KAZN: variants seen among roughly 807,000 people sequenced by gnomAD.
KAZN encodes the protein kazrin, periplakin interacting protein.
KAZN carries 40 observed loss-of-function variants against 87.4 expected under a neutral mutation model. That is an observed-to-expected ratio of 0.46 (90% CI 0.36 to 0.60). KAZN has a LOEUF of 0.60. Among genes scored for constraint, KAZN ranks in the 20% least tolerant of loss-of-function variants. KAZN has a pLI of 0.00. For missense variants in KAZN, 898 were observed against 1,073.9 expected, an observed-to-expected ratio of 0.84 and a Z score of 2.29; for synonymous variants, 466 against 458.3, an observed-to-expected ratio of 1.02 and a Z score of -0.22.
intron 1 of KAZN, among the ~76,000 whole-genome samples, chr1:14,909,034 G>A (rs1028433906): frequency 1.4e-4 from 21 of 151,544 alleles, no homozygotes; most frequent in East Asian, 3.9e-4. Context: ...TCCAGATACC[G>A]TCATCATCTC....
At chr1:14,453,819 G>A (rs774992854) in intron 2 of KAZN, among the ~76,000 whole-genome samples, 1 of 151,962 alleles carries the variant, frequency 6.6e-6, no homozygotes, top group Non-Finnish European at 1.5e-5. Flanking sequence ...CTGGGCAACA[G>A]AGCAAGACTC....
At chr1:14,380,689 A>T (rs843949) in intron 2 of KAZN, among the ~76,000 whole-genome samples, 1 of 152,006 alleles carries the variant, frequency 6.6e-6, no homozygotes, top group Admixed American at 6.5e-5. Context: ...AAAAAGAAAA[A>T]GAATAAAAAA....
rs70997121 is a variant in KAZN, at chr1:14,205,884, C to CAAAAA, written c.249+25310_249+25314dup. Reference sequence around the variant, plus strand: ...CAGGCGACAGAGCAAGACACTGTCTCAAAAAAAAAAAAAAAAAAAAAAGCT... The same window carrying CAAAAA: ...CAGGCGACAGAGCAAGACACTGTCTCAAAAAAAAAAAAAAAAAAAAAAAAAAAGCT... On this transcript the variant is annotated intron_variant, in intron 2 of 16. Coordinates refer to the KAZN transcript ENST00000636203. 5.1e-3 allele frequency among the ~76,000 whole-genome samples: 180 copies of CAAAAA among 35,212 alleles called. 55 individuals carry two copies. The highest frequency in any genetic ancestry group is 0.02 in the African/African-American group (148 of 7,222). 23.1% of individuals were successfully genotyped at this position (35,212 alleles called of 152,430 possible). A position where few individuals can be genotyped will look rare whatever the true frequency, so the allele number is the denominator to read the frequency against.
intron 1 of KAZN, among the ~76,000 whole-genome samples, chr1:14,065,653 T>C (rs2101535675): frequency 6.6e-6 from 1 of 151,774 alleles, no homozygotes; most frequent in East Asian, 1.9e-4. Flanking sequence ...CTCCAGCAGG[T>C]TCCAATCCAG....
intron 2 of KAZN, among the ~76,000 whole-genome samples, chr1:14,986,182 A>G (rs1666805935): frequency 6.6e-6 from 1 of 151,922 alleles, no homozygotes; most frequent in Non-Finnish European, 1.5e-5. Context: ...ATGTTTGGAG[A>G]AGCTTGCATA....
In KAZN at chr1:14,967,702, TGGC is replaced by T. The variant is rs1159253577; in HGVS notation, c.418+6828_418+6830del. ...ATGTGGGGCCTTGACACACCGTTGC[TGGC>T]TTTGAAGACACAGGAAGGGGCTGCA... On this transcript the variant is annotated intron_variant, in intron 2 of 14. Transcript: ENST00000376030. Among the ~76,000 whole-genome samples the T allele has an allele frequency of 3.3e-5, 5 of 152,168 alleles. No individual in the cohort carries two copies. In the East Asian group the frequency reaches 9.6e-4, roughly 29 times the overall value.
At chr1:14,019,452 G>A (rs1209746201) in intron 1 of KAZN, among the ~76,000 whole-genome samples, 2 of 152,150 alleles carry the variant, frequency 1.3e-5, no homozygotes, top group Admixed American at 6.6e-5. Flanking sequence ...TCTTTTCCTA[G>A]CCATTTCTTC....
intron 1 of KAZN, among the ~76,000 whole-genome samples, chr1:14,162,517 C>G (rs1241342862): frequency 6.6e-6 from 1 of 151,428 alleles, no homozygotes; most frequent in Non-Finnish European, 1.5e-5. Flanking sequence ...TATAGCTACA[C>G]TCTTGGTTTT....
chr1:14,013,423 G>GT (rs888948602), intron 1 of KAZN, among the ~76,000 whole-genome samples: 14 of 151,860 alleles, frequency 9.2e-5, no homozygotes, highest in East Asian at 1.9e-4. Flanking sequence ...GAGAAACAGG[G>GT]TTTTTTTTAA....
intron 2 of KAZN, among the ~76,000 whole-genome samples, chr1:14,504,084 A>C (rs1670421062): frequency 6.6e-6 from 1 of 152,156 alleles, no homozygotes; most frequent in African/African-American, 2.4e-5. Context: ...TGATTGACTC[A>C]CTCTAATCCA....
chr1:14,860,347 A>G (rs1243998561), intron 1 of KAZN, among the ~76,000 whole-genome samples: 1 of 151,938 alleles, frequency 6.6e-6, no homozygotes, highest in African/African-American at 2.4e-5. Context: ...GTGCACCACC[A>G]TGCCCAGCTA....
chr1:15,100,551 T>C (rs78592190), intron 10 of KAZN, among the ~76,000 whole-genome samples: 9 of 152,120 alleles, frequency 5.9e-5, no homozygotes, highest in Non-Finnish European at 7.4e-5. Flanking sequence ...AGGCTGCCAC[T>C]GTGTGGCGAG....
chr1:14,551,593 G>A (rs562205172), intron 2 of KAZN, among the ~76,000 whole-genome samples: 34 of 152,278 alleles, frequency 2.2e-4, no homozygotes, highest in African/African-American at 5.3e-4. Flanking sequence ...TCTGCTCCAC[G>A]TGTTCGTTCC....
chr1:14,364,382 A>G (rs1659787862), intron 2 of KAZN, among the ~76,000 whole-genome samples: 1 of 152,168 alleles, frequency 6.6e-6, no homozygotes, highest in African/African-American at 2.4e-5. Context: ...CACTACAACG[A>G]TCGAATGGGA....
intron 2 of KAZN, among the ~76,000 whole-genome samples, chr1:14,993,167 T>TAA (rs57404016): frequency 1.2e-4 from 16 of 133,204 alleles, no homozygotes; most frequent in African/African-American, 4.1e-4. Context: ...CATAAGCAAT[T>TAA]AAAAAAAAAA....
chr1:14,983,453 G>A (rs1459325574), intron 2 of KAZN, among the ~76,000 whole-genome samples: 1 of 152,146 alleles, frequency 6.6e-6, no homozygotes, highest in Non-Finnish European at 1.5e-5. Flanking sequence ...GGCTCAGCTG[G>A]CAAGCCTGCA....
chr1:14,793,309 A>G (rs552805461), intron 1 of KAZN, among the ~76,000 whole-genome samples: 3 of 137,458 alleles, frequency 2.2e-5, no homozygotes, highest in Non-Finnish European at 4.9e-5. Flanking sequence ...CCAAGGACCC[A>G]CTGCATTTTC....
Position 14,160,467 on chromosome 1 carries a change from G to A in KAZN, c.92-19968G>A, listed in dbSNP as rs539523463. 1.1e-4 allele frequency among the ~76,000 whole-genome samples: 16 copies of A among 152,292 alleles called. No individual in the cohort carries two copies. In the East Asian group the frequency reaches 2.9e-3, roughly 28 times the overall value. Reference sequence around the variant, plus strand: ...GGAGGGTGAGGGGCTGGAAGGAGGGGGCTTGGGAGAGGAGTGATGTCAACA... The same window carrying A: ...GGAGGGTGAGGGGCTGGAAGGAGGGAGCTTGGGAGAGGAGTGATGTCAACA... On this transcript the variant is annotated intron_variant, in intron 1 of 16. Transcript: ENST00000636203.
chr1:14,580,576 T>C (rs1306992857), intron 2 of KAZN, among the ~76,000 whole-genome samples: 5 of 152,180 alleles, frequency 3.3e-5, no homozygotes, highest in Non-Finnish European at 7.3e-5. Context: ...TTAGTGGATA[T>C]GGAGGGGCTC....
Sources: gnomAD v4.1 joint callset for allele counts (sites outside exome capture counted in the v4.1 genomes callset) on GRCh38, gnomAD v4.1.1 for gene constraint, MANE v1.5 for transcripts, NCBI Gene and HGNC (gene_info 2026-07-23, HGNC 2026-07-21) for gene names.